Variants in RNGTT observed in about 807,000 individuals in gnomAD.
RNGTT encodes the protein mRNA-capping enzyme.
RNGTT carries 33 observed loss-of-function variants against 79.3 expected under a neutral mutation model. The observed-to-expected ratio is 0.42, with a 90% confidence interval of 0.32 to 0.56. RNGTT has a LOEUF of 0.56. RNGTT is among the 20% of genes least tolerant of loss of function. RNGTT has a pLI of 0.17. For synonymous variants in RNGTT, 222 were observed against 235.9 expected (o/e 0.94, Z 0.54); for missense variants, 497 against 739.1 (o/e 0.67, Z 3.80).
chr6:88,763,878 A>G (rs1778354849), intron 13 of RNGTT, among the ~76,000 whole-genome samples: 1 of 152,200 alleles, frequency 6.6e-6, no homozygotes, highest in African/African-American at 2.4e-5. Context: ...TTGAAGCAGT[A>G]CTCCAACTCA....
At chr6:88,949,874 A>G (rs1785183595) in intron 1 of RNGTT, among the ~76,000 whole-genome samples, 28 of 152,232 alleles carry the variant, frequency 1.8e-4, no homozygotes, top group Admixed American at 1.8e-3. Context: ...TGGCTCCACT[A>G]AACAGCAGGA....
chr6:88,833,625 T>G (rs942644578), intron 11 of RNGTT, among the ~76,000 whole-genome samples: 1 of 151,792 alleles, frequency 6.6e-6, no homozygotes, highest in African/African-American at 2.4e-5. Context: ...ATGTGATCTA[T>G]GTCAATCCTA....
At position 88,837,707 on chromosome 6, in the gene RNGTT, G is replaced by GA. The variant is rs200213126; in HGVS notation, c.1269+6649dup. Among the ~76,000 whole-genome samples, 704 of 150,190 alleles carry GA rather than the reference G, an allele frequency of 4.7e-3. 4 individuals are homozygous for GA. Among genetic ancestry groups the GA allele is most frequent in the African/African-American group, 0.016 (645 of 41,026 alleles). ...TTCCTGAGATAAACAGATCTAAACA[G>GA]AAAAAAAAATAGTATTCGATCTATA... On this transcript the variant is annotated intron_variant, in intron 11 of 15. Coordinates refer to ENST00000369485, the MANE Select transcript of RNGTT (RefSeq NM_003800.5).
intron 8 of RNGTT, among the ~76,000 whole-genome samples, chr6:88,863,754 G>C (rs1309511876): frequency 6.6e-6 from 1 of 152,112 alleles, no homozygotes; most frequent in African/African-American, 2.4e-5. Flanking sequence ...TAAGGAAGGA[G>C]CAAATTTTTT....
chr6:88,759,011 T>C (rs1338283285), intron 13 of RNGTT, among the ~76,000 whole-genome samples: 1 of 152,084 alleles, frequency 6.6e-6, no homozygotes, highest in Non-Finnish European at 1.5e-5. Context: ...CTAGAGCTGA[T>C]CTTTACTATG....
intron 4 of RNGTT, among the ~76,000 whole-genome samples, chr6:88,926,294 T>C (rs1003602813): frequency 3.3e-5 from 5 of 152,208 alleles, no homozygotes; most frequent in African/African-American, 1.2e-4. Context: ...TATGATTTAA[T>C]GACTGGAAAG....
intron 11 of RNGTT, among the ~76,000 whole-genome samples, chr6:88,802,340 T>C (rs564740004): frequency 2.0e-5 from 3 of 152,266 alleles, no homozygotes; most frequent in Non-Finnish European, 1.5e-5. Flanking sequence ...CCGTGAAAAA[T>C]ACAACTAACA....
intron 14 of RNGTT, among the ~76,000 whole-genome samples, chr6:88,670,635 C>T (rs765915214): frequency 1.3e-5 from 2 of 152,304 alleles, no homozygotes; most frequent in African/African-American, 4.8e-5. Context: ...AACATCAACT[C>T]CTGACCTAAC....
At chr6:88,640,386 CA>C (rs34910543) in intron 14 of RNGTT, among the ~76,000 whole-genome samples, 48,339 of 97,104 alleles carry the variant, frequency 0.5, 8,669 homozygotes, top group Middle Eastern at 0.61. Context: ...CCTGTCTCTA[CA>C]AAAAAAAAAA....
At chr6:88,909,436 C>T (rs572350458) in intron 4 of RNGTT, among the ~76,000 whole-genome samples, 19 of 152,306 alleles carry the variant, frequency 1.2e-4, no homozygotes, top group Admixed American at 2.6e-4. Context: ...CATTACCAGA[C>T]CACCTGCAGA....
chr6:88,661,154 G>C (rs1349379105), intron 14 of RNGTT, among the ~76,000 whole-genome samples: 3 of 151,968 alleles, frequency 2.0e-5, no homozygotes, highest in African/African-American at 7.2e-5. Context: ...AAACCTCTGG[G>C]ATACAGCAAA....
Position 88,612,280 on chromosome 6 carries a change from T to C in RNGTT, c.*439A>G, listed in dbSNP as rs1430681827. On this transcript the variant is annotated 3_prime_UTR_variant, in exon 16 of 16. Coordinates refer to ENST00000369485, the MANE Select transcript of RNGTT (RefSeq NM_003800.5). ...ATGATAGCAAGAATGTTTAATGCCATTGCCTGGATTTTTTAAAAGGAAAAT... is the reference window on the plus strand; with the variant it reads ...ATGATAGCAAGAATGTTTAATGCCACTGCCTGGATTTTTTAAAAGGAAAAT... 1 of 154,336 alleles carries C rather than the reference T, an allele frequency of 6.5e-6. No individual in the cohort carries two copies. The allele number at this position is 154,336 out of a possible 1,614,324, so 9.6% of individuals were successfully genotyped here. A position where few individuals can be genotyped will look rare whatever the true frequency, so the allele number is the denominator to read the frequency against.
intron 8 of RNGTT, among the ~76,000 whole-genome samples, chr6:88,887,737 G>A (rs931795881): frequency 6.6e-5 from 10 of 152,130 alleles, no homozygotes; most frequent in Admixed American, 2.0e-4. Context: ...AAGTTGGATG[G>A]CAGAAACAAG....
chr6:88,619,739 T>C (rs947821800), intron 14 of RNGTT, among the ~76,000 whole-genome samples: 3 of 152,322 alleles, frequency 2.0e-5, no homozygotes, highest in Non-Finnish European at 4.4e-5. Flanking sequence ...TTCTATAGTG[T>C]GACAGAAGGT....
intron 14 of RNGTT, among the ~76,000 whole-genome samples, chr6:88,641,359 A>AAT (rs1554200232): frequency 4.1e-5 from 6 of 145,848 alleles, no homozygotes; most frequent in Admixed American, 6.8e-5. Flanking sequence ...AAAAAAAAAA[A>AAT]TAACCATGGT....
intron 13 of RNGTT, among the ~76,000 whole-genome samples, chr6:88,682,480 T>G (rs1324886789): frequency 6.6e-6 from 1 of 152,190 alleles, no homozygotes; most frequent in Non-Finnish European, 1.5e-5. Context: ...ATCTTCAACT[T>G]AAGAAAATGC....
chr6:88,706,579 T>C (rs1562207443), intron 13 of RNGTT, among the ~76,000 whole-genome samples: 1 of 152,088 alleles, frequency 6.6e-6, no homozygotes, highest in Non-Finnish European at 1.5e-5. Context: ...GAAAAAAAAC[T>C]CTTTCGACTA....
chr6:88,624,357 G>T (rs1215352060), intron 14 of RNGTT, among the ~76,000 whole-genome samples: 1 of 151,932 alleles, frequency 6.6e-6, no homozygotes, highest in Admixed American at 6.6e-5. Context: ...TCAAGACAGT[G>T]TGGTATTATT....
intron 12 of RNGTT, among the ~76,000 whole-genome samples, chr6:88,799,700 C>CAAAAA (rs36033019): frequency 4.3e-4 from 20 of 46,190 alleles, no homozygotes; most frequent in East Asian, 1.4e-3. Context: ...AACTCCATCT[C>CAAAAA]AAAAAAAAAA....
Sources: allele counts gnomAD v4.1 joint callset (sites outside exome capture counted in the v4.1 genomes callset), GRCh38; gene constraint gnomAD v4.1.1; transcripts MANE v1.5; gene names NCBI Gene and HGNC (gene_info 2026-07-23, HGNC 2026-07-21).